ARHGAP21: variants seen among roughly 807,000 people sequenced by gnomAD.
ARHGAP21 encodes Rho GTPase activating protein 21, also known as rho GTPase-activating protein 21.
In ARHGAP21, 38 loss-of-function variants were observed where a neutral mutation model predicts 164.6. The observed-to-expected ratio is 0.23, with a 90% CI of 0.18 to 0.30. ARHGAP21 has a LOEUF of 0.30. Ranked by LOEUF, ARHGAP21 falls within the 10% of genes least tolerant of loss-of-function variation. ARHGAP21 has a pLI of 1.00. For missense variants in ARHGAP21, 1,822 were observed against 2,370.7 expected (o/e 0.77, Z 4.81); for synonymous variants, 766 against 857.9 (o/e 0.89, Z 1.87).
intron 2 of ARHGAP21, among the ~76,000 whole-genome samples, chr10:24,673,635 G>C (rs1840927619): frequency 6.6e-6 from 1 of 152,142 alleles, no homozygotes. Context: ...GCCGAGGCAG[G>C]CAGATCACTT....
intron 2 of ARHGAP21, among the ~76,000 whole-genome samples, chr10:24,718,628 AGAAG>A (rs1032916742): frequency 8.5e-5 from 13 of 152,226 alleles, no homozygotes; most frequent in African/African-American, 2.9e-4. Context: ...CCAGCATTCC[AGAAG>A]GAAGAGTCAA....
rs77800234 is a variant in ARHGAP21 at position 24,672,739 on chromosome 10, A to G, written c.64-2342T>C. The stretch of plus-strand genomic sequence containing the variant: ...TGAGTCTACCCACTCTGCCACAATA[A>G]TTTGCCTCATATAAAGGTGAAAAGA... On this transcript the variant is annotated intron_variant, in intron 2 of 25. Coordinates refer to ENST00000396432, the MANE Select transcript of ARHGAP21 (RefSeq NM_020824.4). Among the ~76,000 whole-genome samples the G allele has an allele frequency of 4.7e-4, 72 of 152,240 alleles. No individual in the cohort carries two copies. In the East Asian group the frequency reaches 0.013, roughly 27 times the overall value.
intron 3 of ARHGAP21, among the ~76,000 whole-genome samples, chr10:24,669,643 C>T (rs762060568): frequency 2.6e-5 from 4 of 152,148 alleles, no homozygotes; most frequent in Non-Finnish European, 4.4e-5. Context: ...ACGCTCATAA[C>T]GAATGGTAAG....
At position 24,607,817 on chromosome 10, in the gene ARHGAP21, A is replaced by C; in HGVS notation, c.2509T>G (p.Ser837Ala). 1 of 1,614,136 alleles carries C rather than the reference A, an allele frequency of 6.2e-7. No homozygotes were observed. Among genetic ancestry groups the C allele is most frequent in the Non-Finnish European group, 8.5e-7 (1 of 1,180,012 alleles). The change falls in exon 10 of 26, where the codon TCC (serine) becomes GCC (alanine). Residue 837 changes from serine to alanine, a missense_variant. Ser to Ala is a moderately conservative substitution (Grantham distance 99, BLOSUM62 1). Around this residue, in one of 5 missense-constraint regions of ARHGAP21, gnomAD observed 1,090 missense variants for 1,378.9 expected, o/e 0.79. Coordinates refer to ENST00000396432, the MANE Select transcript of ARHGAP21 (RefSeq NM_020824.4). ...AGGCAAGGAGGAACTGTTGCTATGG[A>C]GGGGACCTGAGAGGTAGAGGCTGAT... The part of the protein sequence containing the change: ...VISASTSQVP[S>A]IATVPPCLTT...
chr10:24,711,164 GAGAA>G (rs1187159967), intron 2 of ARHGAP21, among the ~76,000 whole-genome samples: 2 of 147,764 alleles, frequency 1.4e-5, no homozygotes, highest in African/African-American at 5.0e-5. Flanking sequence ...GAGGGAAAAA[GAGAA>G]AGAAAGAGAG....
intron 2 of ARHGAP21, among the ~76,000 whole-genome samples, chr10:24,684,670 A>ACT (rs1305827974): frequency 6.6e-6 from 1 of 152,030 alleles, no homozygotes; most frequent in Non-Finnish European, 1.5e-5. Flanking sequence ...ATAGGATCTT[A>ACT]CTCTCTCACC....
intron 21 of ARHGAP21, 30 bp from the exon 22 acceptor site, chr10:24,592,042 C>T: frequency 6.6e-7 from 1 of 1,506,626 alleles, no homozygotes; most frequent in South Asian, 1.4e-5. Context: ...TGGGAAATAC[C>T]AGAATTTTTC....
intron 2 of ARHGAP21, among the ~76,000 whole-genome samples, chr10:24,700,745 G>C (rs1180133417): frequency 6.6e-6 from 1 of 152,172 alleles, no homozygotes; most frequent in Non-Finnish European, 1.5e-5. Flanking sequence ...ATGATACAAT[G>C]TAAAGTAATA....
chr10:24,591,349 GATCTCTTCATCATCTCTT>G lies in ARHGAP21; in HGVS notation c.4045-37_4045-20del. 6.4e-7 allele frequency: 1 copy of G among 1,566,926 alleles called. No individual in the cohort carries two copies. Among genetic ancestry groups the G allele is most frequent in the Non-Finnish European group, 8.7e-7 (1 of 1,143,126 alleles). ...CTGTTGTCTATGGTTAATAAACAAA[GATCTCTTCATCATCTCTT>G]CAAAGATACTTTCTTTAAAATTTAA... On this transcript the variant is annotated intron_variant, in intron 23 of 25. Transcript: ENST00000396432.
At chr10:24,635,582 T>G (rs1215356691) in intron 4 of ARHGAP21, among the ~76,000 whole-genome samples, 1 of 152,230 alleles carries the variant, frequency 6.6e-6, no homozygotes, top group Non-Finnish European at 1.5e-5. Context: ...AGTCTCACTC[T>G]GTCACCCAGG....
At chr10:24,611,285 A>T (rs1043387922) in intron 9 of ARHGAP21, among the ~76,000 whole-genome samples, 2 of 152,238 alleles carry the variant, frequency 1.3e-5, no homozygotes, top group Admixed American at 1.3e-4. Flanking sequence ...AAAACTATGG[A>T]CTTTCTCTTC....
At chr10:24,720,254 C>A (rs1255994620) in intron 2 of ARHGAP21, among the ~76,000 whole-genome samples, 573 of 133,498 alleles carry the variant, frequency 4.3e-3, no homozygotes, top group Non-Finnish European at 4.8e-3. Flanking sequence ...CTTAAATGAC[C>A]AAAAAAAAAA....
chr10:24,596,149 GTTATGTAATA>G (rs1157497579), intron 17 of ARHGAP21, 106 bp from the exon 18 acceptor site: 1 of 951,314 alleles, frequency 1.1e-6, no homozygotes, highest in Non-Finnish European at 1.5e-6. Flanking sequence ...ATAAATTGCT[GTTATGTAATA>G]TAAAGAATAC....
chr10:24,662,741 G>GT (rs1226856932), intron 4 of ARHGAP21, among the ~76,000 whole-genome samples: 1 of 152,152 alleles, frequency 6.6e-6, no homozygotes, highest in Non-Finnish European at 1.5e-5. Context: ...ATCAGAAGAG[G>GT]TAAGGTACTT....
At position 24,584,593 on chromosome 10, in the gene ARHGAP21, G is replaced by T; in HGVS notation, c.5696C>A (p.Ser1899Tyr). Residue 1899 changes from serine (S) to tyrosine (Y), a missense_variant, in exon 26 of 26, where the codon TCT (serine) becomes TAT (tyrosine). Around this residue, in one of 5 missense-constraint regions of ARHGAP21, gnomAD observed 165 missense variants for 176.6 expected, o/e 0.93. Transcript: ENST00000396432. The stretch of plus-strand genomic sequence containing the variant: ...GTTTGTTGAAGCCAAGGTGCTGGAA[G>T]AACTGCCTGTGTTGCAATGAAGAGA... ...PLSLHCNTGS[S>Y]SSTLASTNRP... 6.2e-7 allele frequency: 1 copy of T among 1,613,954 alleles called. No individual in the cohort carries two copies. The highest frequency in any genetic ancestry group is 1.1e-5 in the South Asian group (1 of 91,068).
At chr10:24,669,590 T>C (rs1174770622) in intron 3 of ARHGAP21, among the ~76,000 whole-genome samples, 1 of 152,212 alleles carries the variant, frequency 6.6e-6, no homozygotes, top group Non-Finnish European at 1.5e-5. Context: ...GGGCTAATAA[T>C]ACCACCTGCT....
rs1175540003 is a variant in ARHGAP21, at chr10:24,621,199, G to C, written c.696C>G (p.Thr232=). Reference sequence around the variant, plus strand: ...CAGGTTGTGTCAGTACTGGTGTACTGGTTTGCTGTTTGCTCAATGATGAGT... The same window carrying C: ...CAGGTTGTGTCAGTACTGGTGTACTCGTTTGCTGTTTGCTCAATGATGAGT... ...PPDSSLSKQQ[T]STPVLTQPGR... is the part of the protein sequence containing the mutation. Residue 232 remains threonine, a synonymous_variant, in exon 9 of 26, where the codon ACC becomes ACG. Coordinates refer to ENST00000396432, the MANE Select transcript of ARHGAP21 (RefSeq NM_020824.4). 3.7e-6 allele frequency: 6 copies of C among 1,613,766 alleles called. No individual in the cohort carries two copies. The highest frequency in any genetic ancestry group is 5.1e-6 in the Non-Finnish European group (6 of 1,179,878).
At chr10:24,705,230 G>T (rs536575609) in intron 2 of ARHGAP21, among the ~76,000 whole-genome samples, 1 of 152,254 alleles carries the variant, frequency 6.6e-6, no homozygotes, top group Non-Finnish European at 1.5e-5. Context: ...AGCTTCGTTA[G>T]GCTCCTGGTA....
intron 12 of ARHGAP21, 23 bp from the exon 13 acceptor site, chr10:24,602,126 A>AGT: frequency 1.3e-6 from 2 of 1,596,388 alleles, no homozygotes; most frequent in Non-Finnish European, 1.7e-6. Context: ...CCAAGAAAAC[A>AGT]GTAAAATGTC....
Sources: allele counts gnomAD v4.1 joint callset (sites outside exome capture counted in the v4.1 genomes callset), GRCh38; gene constraint gnomAD v4.1.1; regional missense constraint gnomAD v4.1.1; transcripts MANE v1.5; gene names NCBI Gene and HGNC (gene_info 2026-07-23, HGNC 2026-07-21).